The following SYT14 variants were observed in gnomAD, a reference collection of about 807,000 sequenced individuals.
SYT14 encodes the protein synaptotagmin 14.
In SYT14, 32 loss-of-function variants were observed where a neutral mutation model predicts 74.2. The ratio of observed to expected loss-of-function variants is 0.43; its 90% CI spans 0.33 to 0.58. SYT14 has a LOEUF of 0.58. SYT14 is among the 20% of genes least tolerant of loss of function. SYT14 has a pLI of 0.05. For missense variants in SYT14, 791 were observed against 981.8 expected, an observed-to-expected ratio of 0.81 and a Z score of 2.60; for synonymous variants, 298 against 337.7, an observed-to-expected ratio of 0.88 and a Z score of 1.29.
chr1:210,127,597 C>A (rs2082592712), intron 7 of SYT14, among the ~76,000 whole-genome samples: 1 of 152,216 alleles, frequency 6.6e-6, no homozygotes, highest in Non-Finnish European at 1.5e-5. Context: ...GACTTACAAC[C>A]AGGAATTTTG....
intron 2 of SYT14, among the ~76,000 whole-genome samples, chr1:209,958,400 C>A (rs940988012): frequency 2.2e-4 from 34 of 151,618 alleles, no homozygotes; most frequent in African/African-American, 7.8e-4. Context: ...AGTTCAGAAT[C>A]AGCTTGTCAA....
At chr1:209,973,554 T>C (rs2079297734) in intron 2 of SYT14, among the ~76,000 whole-genome samples, 1 of 152,246 alleles carries the variant, frequency 6.6e-6, no homozygotes, top group African/African-American at 2.4e-5. Context: ...TCATTTTTTA[T>C]GGCTGCATAG....
At chr1:210,111,717 A>G (rs2082265727) in intron 7 of SYT14, among the ~76,000 whole-genome samples, 1 of 151,278 alleles carries the variant, frequency 6.6e-6, no homozygotes, top group Non-Finnish European at 1.5e-5. Flanking sequence ...GTATGAATTG[A>G]AAAAGTAAAC....
chr1:210,161,203 C>T, exon 10 of SYT14: 1 of 786,722 alleles, frequency 1.3e-6, no homozygotes, highest in South Asian at 1.4e-5. Context: ...CTCATACTGA[C>T]ATAAATGAAG....
intron 5 of SYT14, among the ~76,000 whole-genome samples, chr1:210,088,892 T>A (rs531804829): frequency 3.8e-4 from 57 of 151,696 alleles, no homozygotes; most frequent in Non-Finnish European, 6.3e-4. Flanking sequence ...ATTTTTTTTT[T>A]ATTATACTTT....
rs1558114739 is a variant in SYT14 at position 209,990,558 on chromosome 1, T to TACGTATATATATGTATATATATAC, written c.-485-23059_-485-23058insATATATACACGTATATATATGTAT. On this transcript the variant is annotated intron_variant, in intron 2 of 9. Transcript: ENST00000637265. ...ATATACGTATATATATGTATATATA[T>TACGTATATATATGTATATATATAC]ACGTATATATATGTATGTATATTTC... Among the ~76,000 whole-genome samples, 40 of 77,574 alleles carry TACGTATATATATGTATATATATAC rather than the reference T, an allele frequency of 5.2e-4. 1 individual carries two copies. The highest frequency in any genetic ancestry group is 2.1e-3 in the African/African-American group (33 of 15,800). The allele number at this position is 77,574 out of a possible 152,430, so 50.9% of individuals were successfully genotyped here.
At chr1:210,145,316 A>C (rs1292083224) in intron 7 of SYT14, among the ~76,000 whole-genome samples, 1 of 152,190 alleles carries the variant, frequency 6.6e-6, no homozygotes, top group Admixed American at 6.5e-5. Flanking sequence ...GTCATGCAGC[A>C]TATTTGGCCT....
At chr1:210,054,519 C>CTT (rs2081060404) in intron 5 of SYT14, among the ~76,000 whole-genome samples, 4 of 151,652 alleles carry the variant, frequency 2.6e-5, no homozygotes, top group Admixed American at 2.6e-4. Flanking sequence ...TTTTAAGTCT[C>CTT]TTGTCTTTTA....
chr1:210,087,186 G>A (rs1222423689), intron 5 of SYT14, among the ~76,000 whole-genome samples: 1 of 152,044 alleles, frequency 6.6e-6, no homozygotes, highest in African/African-American at 2.4e-5. Context: ...ACTCCACATA[G>A]TTGCCCTCTT....
intron 5 of SYT14, among the ~76,000 whole-genome samples, chr1:210,092,317 C>T (rs2081883444): frequency 6.6e-6 from 1 of 152,156 alleles, no homozygotes; most frequent in Admixed American, 6.6e-5. Flanking sequence ...CACAAGGTAG[C>T]TGCTGCTACT....
chr1:210,048,894 A>C (rs1380951464), intron 5 of SYT14, among the ~76,000 whole-genome samples: 2 of 152,232 alleles, frequency 1.3e-5, no homozygotes, highest in Admixed American at 1.3e-4. Flanking sequence ...GCTTTTCCAA[A>C]TGGGAGAAAT....
chr1:210,152,531 A>G lies in SYT14; in HGVS notation c.2035-3190A>G, dbSNP rs535188977. Reference sequence around the variant, plus strand: ...TCATTTGTGTATACTGTGTCTTTTCATCATGTAATTCTTTTCTTAAATCTT... The same window carrying G: ...TCATTTGTGTATACTGTGTCTTTTCGTCATGTAATTCTTTTCTTAAATCTT... On this transcript the variant is annotated intron_variant, in intron 7 of 9. Coordinates refer to ENST00000637265, the Ensembl canonical transcript of SYT14. 3.9e-5 allele frequency among the ~76,000 whole-genome samples: 6 copies of G among 151,998 alleles called. No homozygotes were observed. The South Asian group carries it at 8.3e-4, about 21-fold the overall frequency.
At chr1:209,978,225 C>T (rs1417668499) in intron 2 of SYT14, among the ~76,000 whole-genome samples, 2 of 152,200 alleles carry the variant, frequency 1.3e-5, no homozygotes, top group Non-Finnish European at 2.9e-5. Flanking sequence ...ATTCTCCGTC[C>T]AGCTTTGTTC....
chr1:210,076,659 G>C (rs1360191029), intron 5 of SYT14, among the ~76,000 whole-genome samples: 1 of 152,176 alleles, frequency 6.6e-6, no homozygotes, highest in African/African-American at 2.4e-5. Flanking sequence ...CTTCTGGGGA[G>C]GCCTCAGCAA....
chr1:210,023,470 A>G (rs1007691485), intron 5 of SYT14, among the ~76,000 whole-genome samples: 3 of 152,278 alleles, frequency 2.0e-5, no homozygotes, highest in African/African-American at 7.2e-5. Flanking sequence ...CAGCCTCCCG[A>G]GTAGCTGGGA....
At chr1:210,089,362 T>A (rs2081814816) in intron 5 of SYT14, among the ~76,000 whole-genome samples, 1 of 152,196 alleles carries the variant, frequency 6.6e-6, no homozygotes, top group Non-Finnish European at 1.5e-5. Flanking sequence ...GTCTTTATAG[T>A]AGAATGATTT....
intron 7 of SYT14, among the ~76,000 whole-genome samples, chr1:210,150,484 T>C (rs2083136264): frequency 6.6e-6 from 1 of 152,192 alleles, no homozygotes; most frequent in Non-Finnish European, 1.5e-5. Context: ...CCTCTGGTGA[T>C]CTCCTCCTTA....
At chr1:210,129,325 A>G (rs529025528) in intron 7 of SYT14, among the ~76,000 whole-genome samples, 1 of 152,280 alleles carries the variant, frequency 6.6e-6, no homozygotes, top group South Asian at 2.1e-4. Context: ...TCCATGCATC[A>G]GCTGCATAAT....
chr1:210,050,971 CATTTAG>C, intron 5 of SYT14, among the ~76,000 whole-genome samples: 1 of 152,170 alleles, frequency 6.6e-6, no homozygotes, highest in East Asian at 1.9e-4. Context: ...TGAGGAAGGA[CATTTAG>C]AAATGAAGAT....
Sources: allele counts gnomAD v4.1 joint callset (sites outside exome capture counted in the v4.1 genomes callset), GRCh38; gene constraint gnomAD v4.1.1; transcripts MANE v1.5; gene names NCBI Gene and HGNC (gene_info 2026-07-23, HGNC 2026-07-21).